MXRA7: variants seen among roughly 807,000 people sequenced by gnomAD.
MXRA7 encodes matrix-remodeling-associated protein 7.
Under a neutral mutation model 17.4 loss-of-function variants are expected in MXRA7, and 18 were observed. That is an observed-to-expected ratio of 1.03 (90% CI 0.71 to 1.53). The LOEUF (loss-of-function observed/expected upper bound fraction) is 1.53, where lower values mean the gene tolerates loss of function less well. Ranked by LOEUF, MXRA7 falls within the 40% of genes most tolerant of loss-of-function variation. The probability of loss-of-function intolerance (pLI) is 0.00; values close to 1 mark genes in which losing one functional copy is unlikely to be tolerated. For missense variants in MXRA7, 141 were observed against 209.3 expected (o/e 0.67, Z 2.01); for synonymous variants, 70 against 101.7 (o/e 0.69, Z 1.87).
At chr17:76,690,999 C>T (rs936301373) in intron 1 of MXRA7, among the ~76,000 whole-genome samples, 1 of 152,158 alleles carries the variant, frequency 6.6e-6, no homozygotes, top group Non-Finnish European at 1.5e-5. Flanking sequence ...TGGAATTTCC[C>T]GGGTGACAGG....
In MXRA7 at chr17:76,685,031, C is replaced by G. The variant is rs556695774; in HGVS notation, c.500+41G>C. ...GGGCTCAGAGGGGCACCCCCCTCCC[C>G]CAAGAGCCCGCCAGGCGCCAGCGAA... On this transcript the variant is annotated intron_variant, in intron 3 of 3. Coordinates refer to ENST00000449428, the MANE Select transcript of MXRA7 (RefSeq NM_198530.4). 5 of 1,572,320 alleles carry G rather than the reference C, an allele frequency of 3.2e-6. No individual in the cohort carries two copies. In the South Asian group the frequency reaches 5.5e-5, roughly 17 times the overall value.
chr17:76,683,484 T>C (rs1424257978), intron 3 of MXRA7, among the ~76,000 whole-genome samples: 2 of 152,178 alleles, frequency 1.3e-5, no homozygotes, highest in Non-Finnish European at 2.9e-5. Context: ...TGCCTCATCT[T>C]CTCAGGGTGA....
chr17:76,707,960 G>C (rs139793543), intron 1 of MXRA7, among the ~76,000 whole-genome samples: 1 of 152,312 alleles, frequency 6.6e-6, no homozygotes, highest in African/African-American at 2.4e-5. Flanking sequence ...GAGAAAAGAG[G>C]TTCTAGCAGT....
chr17:76,707,706 G>A (rs749027188), intron 1 of MXRA7, among the ~76,000 whole-genome samples: 13 of 152,068 alleles, frequency 8.5e-5, no homozygotes, highest in Non-Finnish European at 1.5e-4. Flanking sequence ...GACCCTTGAC[G>A]CTTTGCCAAT....
rs114911570 is a variant in MXRA7 at position 76,690,580 on chromosome 17, C to T, written c.343-2404G>A. 2.5e-3 allele frequency among the ~76,000 whole-genome samples: 384 copies of T among 151,642 alleles called. 3 individuals are homozygous for T. The highest frequency in any genetic ancestry group is 9.0e-3 in the African/African-American group (371 of 41,310). ...TAAAAATTAGCTGTGCATGGTGGCACGCACCTGTGATCCCACCTACTTAGA... is the reference window on the plus strand; with the variant it reads ...TAAAAATTAGCTGTGCATGGTGGCATGCACCTGTGATCCCACCTACTTAGA... On this transcript the variant is annotated intron_variant, in intron 1 of 3. Coordinates refer to ENST00000449428, the MANE Select transcript of MXRA7 (RefSeq NM_198530.4).
downstream of MXRA7, among the ~76,000 whole-genome samples, chr17:76,678,401 T>C (rs746879765): frequency 2.6e-5 from 4 of 152,180 alleles, no homozygotes; most frequent in Non-Finnish European, 5.9e-5. Context: ...TTTATGAGGC[T>C]CAGCTACACC....
chr17:76,674,323 T>A (rs1298742442), exon 4 of MXRA7: 1 of 152,178 alleles, frequency 6.6e-6, no homozygotes, highest in Admixed American at 6.5e-5. Context: ...TAGCTTAGAT[T>A]TGGTTCATTC....
downstream of MXRA7, chr17:76,677,207 G>A (rs151274949): frequency 2.9e-4 from 47 of 160,548 alleles, 1 homozygote; most frequent in African/African-American, 1.0e-3. Context: ...CAGGAGAGTC[G>A]CTTGAATCAG....
downstream of MXRA7, chr17:76,674,847 C>T (rs2076227367): frequency 6.6e-6 from 1 of 152,200 alleles, no homozygotes; most frequent in Non-Finnish European, 1.5e-5. Flanking sequence ...GGACCAGTTC[C>T]CTTACGCCTA....
chr17:76,672,910 G>T (rs1043026604), exon 4 of MXRA7: 1 of 152,174 alleles, frequency 6.6e-6, no homozygotes, highest in Non-Finnish European at 1.5e-5. Flanking sequence ...ATAGTAAAAA[G>T]AATCTGTGGC....
rs142545326 is a variant in MXRA7 at position 76,688,114 on chromosome 17, G to A, written c.405C>T (p.Asp135=). The A allele has an allele frequency of 3.6e-4, 585 of 1,611,144 alleles. 1 individual carries two copies. The highest frequency in any genetic ancestry group is 1.8e-3 in the Middle Eastern group (10 of 5,694). ...GPSSEGPEEE[D]GEGFSFKYSP... ...CATGAGCGCAGAGGTCCCACTCACC[G>A]TCCTCCTCCTCAGGCCCTTCCGATG... Residue 135 remains aspartate (D), a splice_region_variant and synonymous_variant, in exon 2 of 4, where the codon GAC becomes GAT. Coordinates refer to ENST00000449428, the MANE Select transcript of MXRA7 (RefSeq NM_198530.4).
downstream of MXRA7, among the ~76,000 whole-genome samples, chr17:76,679,175 C>T (rs1362378700): frequency 2.0e-5 from 3 of 151,904 alleles, no homozygotes; most frequent in African/African-American, 4.8e-5. Flanking sequence ...GTAGTCCCAG[C>T]TACCTGGGAG....
At chr17:76,704,514 T>G (rs539708574) in intron 1 of MXRA7, among the ~76,000 whole-genome samples, 1 of 150,546 alleles carries the variant, frequency 6.6e-6, no homozygotes, top group East Asian at 2.0e-4. Context: ...CAGCTTTTTT[T>G]TTTTTCATGC....
Position 76,680,778 on chromosome 17 carries a change from A to AG in MXRA7, c.*88dup. The AG allele has an allele frequency of 6.5e-7, 1 of 1,550,030 alleles. No individual in the cohort carries two copies. Among genetic ancestry groups the AG allele is most frequent in the Non-Finnish European group, 8.7e-7 (1 of 1,148,404 alleles). On this transcript the variant is annotated 3_prime_UTR_variant, in exon 4 of 4. Transcript: ENST00000449428. ...CAGCATGCACCCTGGGAGCCTGCCC[A>AG]GACTCCTCTCTGGGGTTTCCGTTTT... is the stretch of plus-strand genomic sequence containing the variant.
At position 76,680,616 on chromosome 17, in the gene MXRA7, C is replaced by T; in HGVS notation, c.*251G>A. The T allele has an allele frequency of 7.7e-7, 1 of 1,290,340 alleles. No homozygotes were observed. Among genetic ancestry groups the T allele is most frequent in the Non-Finnish European group, 9.8e-7 (1 of 1,016,118 alleles). The allele number at this position is 1,290,340 out of a possible 1,614,324, so 79.9% of individuals were successfully genotyped here. On this transcript the variant is annotated 3_prime_UTR_variant, in exon 4 of 4. Coordinates refer to ENST00000449428, the MANE Select transcript of MXRA7 (RefSeq NM_198530.4). ...GGTCTGAGCTCTACCTCTTAAAACTCTTCAGCTTAACAAAGTGACCCACAG... is the reference window on the plus strand; with the variant it reads ...GGTCTGAGCTCTACCTCTTAAAACTTTTCAGCTTAACAAAGTGACCCACAG...
At chr17:76,692,549 G>A (rs556885129) in intron 1 of MXRA7, among the ~76,000 whole-genome samples, 2 of 151,740 alleles carry the variant, frequency 1.3e-5, no homozygotes, top group Admixed American at 6.6e-5. Context: ...CACCGCGCCC[G>A]GCCTGGAAGT....
intron 1 of MXRA7, among the ~76,000 whole-genome samples, chr17:76,697,059 A>G (rs1328648796): frequency 6.6e-6 from 1 of 152,092 alleles, no homozygotes; most frequent in Non-Finnish European, 1.5e-5. Context: ...ACTGTGTTCC[A>G]CGCCCCAATT....
chr17:76,700,639 AG>A (rs2076579657), intron 1 of MXRA7, among the ~76,000 whole-genome samples: 1 of 152,220 alleles, frequency 6.6e-6, no homozygotes, highest in African/African-American at 2.4e-5. Context: ...TTTATTCAAC[AG>A]GTGCCTACTG....
intron 1 of MXRA7, among the ~76,000 whole-genome samples, chr17:76,697,497 C>G (rs960576583): frequency 6.6e-5 from 10 of 152,262 alleles, no homozygotes; most frequent in African/African-American, 2.4e-4. Context: ...AGACAGGCAG[C>G]TGGCGTCACC....
Sources: allele counts gnomAD v4.1 joint callset (sites outside exome capture counted in the v4.1 genomes callset), GRCh38; gene constraint gnomAD v4.1.1; transcripts MANE v1.5; gene names NCBI Gene and HGNC (gene_info 2026-07-23, HGNC 2026-07-21).